Variants in GRID2 observed in about 807,000 individuals in gnomAD.
GRID2 encodes glutamate receptor ionotropic, delta-2.
A neutral mutation model predicts 114.8 loss-of-function variants in GRID2; 33 were observed. That is an observed-to-expected ratio of 0.29 (90% CI 0.22 to 0.38). The LOEUF is 0.38. GRID2 is among the 10% of genes least tolerant of loss of function. The pLI, the probability that GRID2 is intolerant of heterozygous loss-of-function variation, is 1.00. For synonymous variants in GRID2, 505 were observed against 449.9 expected (o/e 1.12, Z -1.55); for missense variants, 1,184 against 1,257.7 (o/e 0.94, Z 0.89).
At chr4:93,572,993 C>G (rs1736073021) in intron 13 of GRID2, among the ~76,000 whole-genome samples, 1 of 152,118 alleles carries the variant, frequency 6.6e-6, no homozygotes, top group African/African-American at 2.4e-5. Context: ...AATGTAAGCT[C>G]CACCAGGGCC....
chr4:93,255,891 C>A (rs186353436), intron 8 of GRID2, among the ~76,000 whole-genome samples: 3 of 152,158 alleles, frequency 2.0e-5, no homozygotes, highest in East Asian at 1.9e-4. Flanking sequence ...CTAAGACACA[C>A]TGTAAGTACA....
intron 9 of GRID2, among the ~76,000 whole-genome samples, chr4:93,408,067 A>G (rs544330606): frequency 6.6e-6 from 1 of 152,280 alleles, no homozygotes; most frequent in South Asian, 2.1e-4. Context: ...AAAGTACTCA[A>G]GAAAAAAGTA....
chr4:92,750,411 C>T (rs978257905), intron 2 of GRID2, among the ~76,000 whole-genome samples: 3 of 152,178 alleles, frequency 2.0e-5, no homozygotes, highest in Non-Finnish European at 4.4e-5. Flanking sequence ...GAAAATTCAA[C>T]ATTTGTGAAT....
rs1297386742 is a variant in GRID2, at chr4:93,184,153, G to T, written c.736-23251G>T. ...AAATGTATTCCAGATGGGAAAAACT[G>T]TTAAACAGAAATGTGTAGTCAGGAA... On this transcript the variant is annotated intron_variant, in intron 4 of 15. Coordinates refer to ENST00000282020, the MANE Select transcript of GRID2 (RefSeq NM_001510.4). Among the ~76,000 whole-genome samples, 5 of 152,230 alleles carry T rather than the reference G, an allele frequency of 3.3e-5. No homozygotes were observed. The East Asian group carries it at 9.7e-4, about 30-fold the overall frequency.
At chr4:92,953,669 A>G (rs895070871) in intron 2 of GRID2, among the ~76,000 whole-genome samples, 1 of 152,170 alleles carries the variant, frequency 6.6e-6, no homozygotes, top group Non-Finnish European at 1.5e-5. Context: ...AAATGAATCC[A>G]ACAGGAATCA....
At chr4:93,660,929 C>T (rs1283948951) in intron 14 of GRID2, among the ~76,000 whole-genome samples, 3 of 151,976 alleles carry the variant, frequency 2.0e-5, no homozygotes, top group Admixed American at 2.0e-4. Context: ...CAAACACTGC[C>T]CCAGAGGGAG....
intron 2 of GRID2, among the ~76,000 whole-genome samples, chr4:93,066,305 C>T (rs1728288432): frequency 6.6e-6 from 1 of 151,920 alleles, no homozygotes; most frequent in Non-Finnish European, 1.5e-5. Flanking sequence ...CATCTCATTA[C>T]TATTAAACCT....
chr4:92,786,101 G>A, intron 2 of GRID2, among the ~76,000 whole-genome samples: 1 of 151,796 alleles, frequency 6.6e-6, no homozygotes, highest in East Asian at 1.9e-4. Context: ...TGAATCTGTT[G>A]TCCTGAACTT....
At chr4:92,312,472 T>C (rs577368310) in intron 1 of GRID2, among the ~76,000 whole-genome samples, 1 of 152,172 alleles carries the variant, frequency 6.6e-6, no homozygotes, top group South Asian at 2.1e-4. Context: ...GATTTTCTGA[T>C]AGATGAGCCA....
intron 1 of GRID2, among the ~76,000 whole-genome samples, chr4:92,574,399 G>T (rs753019922): frequency 1.1e-4 from 16 of 147,878 alleles, no homozygotes; most frequent in Non-Finnish European, 1.9e-4. Flanking sequence ...AGTGTTACTG[G>T]TCTGTACTTT....
At chr4:93,541,797 G>A (rs893010743) in intron 13 of GRID2, among the ~76,000 whole-genome samples, 9 of 152,036 alleles carry the variant, frequency 5.9e-5, no homozygotes, top group African/African-American at 2.2e-4. Flanking sequence ...TCCTAATTTT[G>A]CGTTTCATGA....
At chr4:92,701,863 G>C (rs1227618669) in intron 2 of GRID2, among the ~76,000 whole-genome samples, 2 of 152,074 alleles carry the variant, frequency 1.3e-5, no homozygotes, top group South Asian at 2.1e-4. Flanking sequence ...CGACCTCGGG[G>C]CATAATCTAA....
chr4:93,648,705 T>C (rs1722327435), intron 14 of GRID2, among the ~76,000 whole-genome samples: 1 of 152,202 alleles, frequency 6.6e-6, no homozygotes, highest in African/African-American at 2.4e-5. Context: ...AATTTTTATT[T>C]CTAACAAGTT....
intron 2 of GRID2, among the ~76,000 whole-genome samples, chr4:92,624,403 A>G (rs1730421334): frequency 6.6e-6 from 1 of 151,836 alleles, no homozygotes; most frequent in Admixed American, 6.6e-5. Context: ...TGTTTTCTCA[A>G]ATGACAAAAT....
At chr4:93,123,082 G>C (rs1278091832) in intron 4 of GRID2, among the ~76,000 whole-genome samples, 1 of 151,896 alleles carries the variant, frequency 6.6e-6, no homozygotes, top group Admixed American at 6.6e-5. Flanking sequence ...CAAAGAACGG[G>C]TTTCCAATGA....
chr4:92,924,680 C>T (rs1317494327), intron 2 of GRID2, among the ~76,000 whole-genome samples: 1 of 152,156 alleles, frequency 6.6e-6, no homozygotes, highest in Non-Finnish European at 1.5e-5. Flanking sequence ...AGAACAAAAA[C>T]ACAGCATGAC....
intron 2 of GRID2, among the ~76,000 whole-genome samples, chr4:92,909,039 G>C (rs921237861): frequency 6.6e-6 from 1 of 152,060 alleles, no homozygotes; most frequent in Admixed American, 6.6e-5. Context: ...TGATTATTCT[G>C]ATTTTAATAT....
intron 2 of GRID2, among the ~76,000 whole-genome samples, chr4:92,646,720 T>A (rs1002468821): frequency 3.3e-5 from 5 of 152,360 alleles, no homozygotes; most frequent in Admixed American, 6.5e-5. Flanking sequence ...ATGGTGTCTA[T>A]TCAATATCTT....
At chr4:93,059,412 G>T (rs527860962) in intron 2 of GRID2, among the ~76,000 whole-genome samples, 7 of 152,180 alleles carry the variant, frequency 4.6e-5, no homozygotes, top group Admixed American at 4.6e-4. Flanking sequence ...CCTATGCATT[G>T]TAAGATGTTT....
Sources: gnomAD v4.1 joint callset for allele counts (sites outside exome capture counted in the v4.1 genomes callset) on GRCh38, gnomAD v4.1.1 for gene constraint, MANE v1.5 for transcripts, NCBI Gene and HGNC (gene_info 2026-07-23, HGNC 2026-07-21) for gene names.